Variants in TOM1 observed in about 807,000 individuals in gnomAD.
The protein encoded by TOM1 is target of Myb protein 1.
Under a neutral mutation model 61.3 loss-of-function variants are expected in TOM1, and 38 were observed. That is an observed-to-expected ratio of 0.62 (90% confidence interval 0.48 to 0.81). The LOEUF (loss-of-function observed/expected upper bound fraction) is 0.81, where lower values mean the gene tolerates loss of function less well. Among genes scored for constraint, TOM1 ranks in the 40% least tolerant of loss-of-function variants. The pLI, the probability that TOM1 is intolerant of heterozygous loss-of-function variation, is 0.00. For synonymous variants in TOM1, 270 were observed against 268.8 expected, an observed-to-expected ratio of 1.00 and a Z score of -0.04; for missense variants, 591 against 659.6, an observed-to-expected ratio of 0.90 and a Z score of 1.14.
Position 35,333,419 on chromosome 22 carries a change from G to C in TOM1, c.949G>C (p.Glu317Gln), listed in dbSNP as rs767383893. Residue 317 changes from glutamate to glutamine, a missense_variant, in exon 10 of 15, where the codon GAG (glutamate) becomes CAG (glutamine). Physicochemically the swap from Glu to Gln is conservative, Grantham distance 29 (BLOSUM62 2). Coordinates refer to ENST00000449058, the MANE Select transcript of TOM1 (RefSeq NM_005488.3). Reference sequence around the variant, plus strand: ...TTCCCACCAGGCCCCAAGTGAGGCCGAGCCGGCAGCTGACCTGATCGACAT... The same window carrying C: ...TTCCCACCAGGCCCCAAGTGAGGCCCAGCCGGCAGCTGACCTGATCGACAT... Reference protein sequence around the residue: ...GQTTKAPSEAEPAADLIDMGP... With the variant: ...GQTTKAPSEAQPAADLIDMGP... The C allele has an allele frequency of 2.5e-6, 4 of 1,613,972 alleles. No individual in the cohort carries two copies. The highest frequency in any genetic ancestry group is 3.4e-6 in the Non-Finnish European group (4 of 1,179,960).
At position 35,323,387 on chromosome 22, in the gene TOM1, A is replaced by AAG; in HGVS notation, c.367-108_367-107insGA. 1.6e-6 allele frequency: 1 copy of AAG among 641,180 alleles called. No homozygotes were observed. The highest frequency in any genetic ancestry group is 2.0e-5 in the African/African-American group (1 of 49,742). 39.7% of individuals were successfully genotyped at this position (641,180 alleles called of 1,614,324 possible). ...GGAGTGGGCAGGGCAGATGTAGTTA[A>AAG]AAAAAAAAAAAAAGCAGGGAAAGAA... On this transcript the variant is annotated intron_variant, in intron 4 of 14. Transcript: ENST00000449058. This position sits in a 1 kb window ranked among gnomAD's most constrained non-coding sequence, Gnocchi z 4.2.
Position 35,347,151 on chromosome 22 carries a change from G to A in TOM1, c.1421G>A (p.Gly474Asp). ...SAEGPPGPPS[G>D]PAPRKKTQEK... ...GAGGGGCCCCCGGGTCCCCCATCTG[G>A]CCCAGCGCCCCGGAAGAAGACCCAG... The change falls in exon 15 of 15, where the codon GGC becomes GAC. Residue 474 changes from glycine (G) to aspartate (D), a missense_variant. Gly to Asp is a moderately conservative substitution (Grantham distance 94). Coordinates refer to ENST00000449058, the MANE Select transcript of TOM1 (RefSeq NM_005488.3). 1.9e-6 allele frequency: 3 copies of A among 1,613,422 alleles called. No homozygotes were observed. Among genetic ancestry groups the A allele is most frequent in the African/African-American group, 1.3e-5 (1 of 74,974 alleles).
chr22:35,344,678 G>A (rs138533846), intron 12 of TOM1: 3 of 152,306 alleles, frequency 2.0e-5, no homozygotes, highest in East Asian at 3.9e-4. Context: ...ACAGAGCTTG[G>A]AAACCAAACT....
At chr22:35,299,637 TA>T (rs1460277105), upstream of TOM1, 3 of 465,186 alleles carry the variant, frequency 6.4e-6, no homozygotes, top group East Asian at 9.1e-5. Context: ...GACCTCGCCC[TA>T]AAAGGTCAGG....
At chr22:35,318,583 C>T (rs929257278) in intron 2 of TOM1, among the ~76,000 whole-genome samples, 1 of 152,230 alleles carries the variant, frequency 6.6e-6, no homozygotes, top group African/African-American at 2.4e-5. Context: ...ATGTCTGACT[C>T]GTTGTCACTG....
At chr22:35,299,812 G>GGCCCCCCCCCCCCCCCCC, upstream of TOM1, 1 of 1,233,292 alleles carries the variant, frequency 8.1e-7, no homozygotes, top group Non-Finnish European at 1.1e-6. Flanking sequence ...GCTTCGCGGT[G>GGCCCCCCCCCCCCCCCCC]CCACCGCCCC....
chr22:35,318,525 C>T (rs1239414136), intron 2 of TOM1, among the ~76,000 whole-genome samples: 3 of 152,214 alleles, frequency 2.0e-5, no homozygotes, highest in Non-Finnish European at 2.9e-5. Context: ...GCCAAGGAGC[C>T]CTGCCAAGGC....
Position 35,341,732 on chromosome 22 carries a change from T to C in TOM1, c.1224+2944T>C, listed in dbSNP as rs576876443. On this transcript the variant is annotated intron_variant, in intron 12 of 14. Coordinates refer to ENST00000449058, the MANE Select transcript of TOM1 (RefSeq NM_005488.3). The stretch of plus-strand genomic sequence containing the variant: ...AGCCCAGGTGTCCTGGCTCCCACAC[T>C]ACCTTGCAGCCCGCCCACAGGGAGG... 4.5e-4 allele frequency among the ~76,000 whole-genome samples: 69 copies of C among 152,152 alleles called. No individual in the cohort carries two copies. The South Asian group carries it at 7.1e-3, about 16-fold the overall frequency.
intron 10 of TOM1, 62 bp from the exon 11 acceptor site, chr22:35,334,266 C>T (rs1338387978): frequency 1.3e-6 from 2 of 1,565,822 alleles, no homozygotes; most frequent in African/African-American, 1.4e-5. Flanking sequence ...GCAGGTAGCT[C>T]AGCAGCAGCT....
At chr22:35,324,739 G>A (rs1928163023) in intron 6 of TOM1, among the ~76,000 whole-genome samples, 1 of 152,052 alleles carries the variant, frequency 6.6e-6, no homozygotes, top group African/African-American at 2.4e-5. Flanking sequence ...TAGTAGAGAT[G>A]GAGTTTCATC....
chr22:35,341,350 G>A (rs949593977), intron 12 of TOM1, among the ~76,000 whole-genome samples: 1 of 152,292 alleles, frequency 6.6e-6, no homozygotes, highest in South Asian at 2.1e-4. Flanking sequence ...TGAGAAAACT[G>A]AGGCTGAGGA....
intron 1 of TOM1, among the ~76,000 whole-genome samples, chr22:35,315,608 C>A (rs985047832): frequency 6.6e-6 from 1 of 152,218 alleles, no homozygotes; most frequent in Admixed American, 6.5e-5. Context: ...CAGGCCTGAT[C>A]TAGGGGTAAA....
intron 2 of TOM1, among the ~76,000 whole-genome samples, chr22:35,318,472 C>G (rs377547348): frequency 3.9e-5 from 6 of 152,206 alleles, no homozygotes; most frequent in Non-Finnish European, 8.8e-5. Flanking sequence ...TGGCGTTTGC[C>G]GGGCGTTTCT....
chr22:35,323,640 C>T lies in TOM1; in HGVS notation c.501+10C>T, dbSNP rs2145661934. 6.2e-7 allele frequency: 1 copy of T among 1,614,172 alleles called. No individual in the cohort carries two copies. Reference sequence around the variant, plus strand: ...CCACACACCCCAGAGGGTGAGAGAACTGCCGTACCGGGAACCAAGGGAAGG... The same window carrying T: ...CCACACACCCCAGAGGGTGAGAGAATTGCCGTACCGGGAACCAAGGGAAGG... On this transcript the variant is annotated intron_variant, in intron 5 of 14. Coordinates refer to ENST00000449058, the MANE Select transcript of TOM1 (RefSeq NM_005488.3). This position sits in a 1 kb window ranked among gnomAD's most constrained non-coding sequence, Gnocchi z 4.2.
intron 6 of TOM1, among the ~76,000 whole-genome samples, chr22:35,325,782 G>A (rs1003461712): frequency 6.6e-6 from 1 of 152,180 alleles, no homozygotes; most frequent in East Asian, 1.9e-4. Context: ...AATGCAAGAA[G>A]GTGCTTGCTA....
At chr22:35,328,113 G>A (rs1244960039) in intron 7 of TOM1, among the ~76,000 whole-genome samples, 18 of 152,212 alleles carry the variant, frequency 1.2e-4, no homozygotes, top group Admixed American at 9.8e-4. Flanking sequence ...CTCCTTGAGG[G>A]CAGCGCTGTG....
chr22:35,345,772 G>T lies in TOM1; in HGVS notation c.1272G>T (p.Leu424=), dbSNP rs566792976. 1.2e-6 allele frequency: 2 copies of T among 1,614,094 alleles called. No individual in the cohort carries two copies. Among genetic ancestry groups the T allele is most frequent in the Non-Finnish European group, 1.7e-6 (2 of 1,180,018 alleles). Residue 424 remains leucine, a synonymous_variant, in exon 13 of 15, where the codon CTG becomes CTT. Transcript: ENST00000449058. Reference sequence around the variant, plus strand: ...TCATGGAGGACATCGAGCAGTGGCTGTCCACTGACGTGGTATGTTGGGGCC... The same window carrying T: ...TCATGGAGGACATCGAGCAGTGGCTTTCCACTGACGTGGTATGTTGGGGCC... The part of the protein sequence containing the change: ...ACLMEDIEQW[L]STDVGNDAEE...
At chr22:35,326,905 G>GGA (rs139668404) in intron 6 of TOM1, among the ~76,000 whole-genome samples, 20 of 151,918 alleles carry the variant, frequency 1.3e-4, no homozygotes, top group Non-Finnish European at 1.3e-4. Flanking sequence ...TCCTCTAGTG[G>GGA]GAGAGAGAGA....
At chr22:35,333,271 C>A in intron 9 of TOM1, 133 bp from the exon 10 acceptor site, 1 of 890,170 alleles carries the variant, frequency 1.1e-6, no homozygotes, top group Non-Finnish European at 1.8e-6. Context: ...AGGAAATTCC[C>A]TGATGCCCAG....
Sources: gnomAD v4.1 joint callset for allele counts (sites outside exome capture counted in the v4.1 genomes callset) on GRCh38, gnomAD v4.1.1 for gene constraint, Gnocchi (gnomAD v3.1) non-coding constraint, MANE v1.5 for transcripts, NCBI Gene and HGNC (gene_info 2026-07-23, HGNC 2026-07-21) for gene names.